Variants in PCDH9 observed in about 807,000 individuals in gnomAD.
PCDH9 encodes protocadherin-9.
In PCDH9, 24 loss-of-function variants were observed where a neutral mutation model predicts 70.6. The ratio of observed to expected loss-of-function variants is 0.34; its 90% CI spans 0.25 to 0.48. The LOEUF is 0.48. Ranked by LOEUF, PCDH9 falls within the 20% of genes least tolerant of loss-of-function variation. The pLI is 0.99. For missense variants in PCDH9, 1,281 were observed against 1,503.6 expected, an observed-to-expected ratio of 0.85 and a Z score of 2.45; for synonymous variants, 562 against 558.5, an observed-to-expected ratio of 1.01 and a Z score of -0.09.
At chr13:66,971,068 G>T (rs1327377605) in intron 2 of PCDH9, among the ~76,000 whole-genome samples, 1 of 151,966 alleles carries the variant, frequency 6.6e-6, no homozygotes, top group Non-Finnish European at 1.5e-5. Context: ...CCACAGTTCT[G>T]CATATTTGAA....
At chr13:66,469,794 T>C (rs1958582691) in intron 4 of PCDH9, among the ~76,000 whole-genome samples, 1 of 152,178 alleles carries the variant, frequency 6.6e-6, no homozygotes, top group South Asian at 2.1e-4. Context: ...CGGTTTGCTT[T>C]TCTCTCTCCC....
intron 4 of PCDH9, among the ~76,000 whole-genome samples, chr13:66,630,206 A>T (rs980859869): frequency 6.6e-5 from 10 of 152,040 alleles, no homozygotes; most frequent in African/African-American, 2.4e-4. Flanking sequence ...TACTATTTTT[A>T]TTATTTACTT....
intron 4 of PCDH9, among the ~76,000 whole-genome samples, chr13:66,568,635 G>A (rs2076687166): frequency 6.6e-6 from 1 of 151,238 alleles, no homozygotes; most frequent in African/African-American, 2.4e-5. Flanking sequence ...TCATGCCACT[G>A]CAATCCAGCC....
intron 4 of PCDH9, among the ~76,000 whole-genome samples, chr13:66,313,534 T>C (rs1236028411): frequency 1.3e-5 from 2 of 152,190 alleles, no homozygotes; most frequent in Admixed American, 1.3e-4. Context: ...TAATATTTTG[T>C]CCCCTTTAAA....
chr13:66,565,031 T>C (rs2076633227), intron 4 of PCDH9, among the ~76,000 whole-genome samples: 1 of 152,074 alleles, frequency 6.6e-6, no homozygotes, highest in African/African-American at 2.4e-5. Context: ...TATCATAAAA[T>C]GTGTACATAT....
At chr13:67,059,971 G>A (rs762731992) in intron 2 of PCDH9, among the ~76,000 whole-genome samples, 4 of 150,416 alleles carry the variant, frequency 2.7e-5, no homozygotes. Flanking sequence ...GAGAAATGCT[G>A]TTTATTATGA....
chr13:67,199,158 A>C (rs902122836), intron 2 of PCDH9, among the ~76,000 whole-genome samples: 32 of 151,542 alleles, frequency 2.1e-4, no homozygotes, highest in African/African-American at 7.2e-4. Flanking sequence ...TTATGTATAA[A>C]TATATTCTAT....
At chr13:67,179,169 G>T (rs993045408) in intron 2 of PCDH9, among the ~76,000 whole-genome samples, 2 of 151,916 alleles carry the variant, frequency 1.3e-5, no homozygotes, top group Non-Finnish European at 2.9e-5. Flanking sequence ...TTAGCCACTC[G>T]GAATTAGTAA....
At chr13:66,459,598 A>G (rs1428902469) in intron 4 of PCDH9, among the ~76,000 whole-genome samples, 1 of 151,984 alleles carries the variant, frequency 6.6e-6, no homozygotes, top group Non-Finnish European at 1.5e-5. Flanking sequence ...ATTTTACAAA[A>G]GGAGAAAAAC....
intron 2 of PCDH9, among the ~76,000 whole-genome samples, chr13:67,084,689 G>A (rs191734707): frequency 1.2e-3 from 177 of 151,776 alleles, no homozygotes; most frequent in African/African-American, 3.5e-3. Flanking sequence ...ATATGTTGCC[G>A]GCCCAGCATG....
intron 3 of PCDH9, among the ~76,000 whole-genome samples, chr13:66,846,057 A>G (rs569505108): frequency 6.7e-6 from 1 of 149,962 alleles, no homozygotes; most frequent in South Asian, 2.2e-4. Flanking sequence ...TATCAACAAG[A>G]TGGGCCATAA....
At chr13:67,112,154 T>A (rs927883093) in intron 2 of PCDH9, among the ~76,000 whole-genome samples, 1 of 152,206 alleles carries the variant, frequency 6.6e-6, no homozygotes, top group Non-Finnish European at 1.5e-5. Context: ...TGCTCAATAC[T>A]CCTTACAATG....
intron 4 of PCDH9, among the ~76,000 whole-genome samples, chr13:66,493,888 A>C (rs1185149242): frequency 1.3e-5 from 2 of 152,144 alleles, no homozygotes; most frequent in Non-Finnish European, 2.9e-5. Flanking sequence ...AATGACTGCA[A>C]TACTAAAAAG....
intron 2 of PCDH9, among the ~76,000 whole-genome samples, chr13:66,945,971 A>T (rs1008748234): frequency 5.9e-5 from 9 of 152,168 alleles, no homozygotes; most frequent in African/African-American, 2.2e-4. Context: ...AATATATATA[A>T]AAACCTCTAA....
intron 2 of PCDH9, among the ~76,000 whole-genome samples, chr13:66,960,758 C>T (rs967017476): frequency 2.0e-5 from 3 of 152,078 alleles, no homozygotes; most frequent in Non-Finnish European, 4.4e-5. Flanking sequence ...AAATATTCTT[C>T]GAAGAGGTAC....
chr13:66,874,254 C>T (rs1232623292), intron 3 of PCDH9, among the ~76,000 whole-genome samples: 2 of 152,110 alleles, frequency 1.3e-5, no homozygotes, highest in African/African-American at 4.8e-5. Context: ...ACAAACTCAG[C>T]CCTGCAAATC....
At chr13:66,571,254 CCAGA>C (rs2076729132) in intron 4 of PCDH9, among the ~76,000 whole-genome samples, 1 of 151,962 alleles carries the variant, frequency 6.6e-6, no homozygotes, top group Non-Finnish European at 1.5e-5. Context: ...TCTGATCCTC[CCAGA>C]CATTTATTGT....
chr13:66,552,343 TG>T (rs1419519920), intron 4 of PCDH9, among the ~76,000 whole-genome samples: 1 of 152,164 alleles, frequency 6.6e-6, no homozygotes, highest in Non-Finnish European at 1.5e-5. Context: ...GCTATTTTTC[TG>T]GGGTCTCCTA....
At chr13:67,060,914 CTT>C (rs2085527071) in intron 2 of PCDH9, among the ~76,000 whole-genome samples, 1 of 152,054 alleles carries the variant, frequency 6.6e-6, no homozygotes, top group African/African-American at 2.4e-5. Context: ...TGCATCACAT[CTT>C]TGTGAAGGAA....
Sources: gnomAD v4.1 joint callset for allele counts (sites outside exome capture counted in the v4.1 genomes callset) on GRCh38, gnomAD v4.1.1 for gene constraint, MANE v1.5 for transcripts, NCBI Gene and HGNC (gene_info 2026-07-23, HGNC 2026-07-21) for gene names.